Variants in BMPER observed in about 807,000 individuals in gnomAD.
BMPER encodes the protein BMP binding endothelial regulator.
A neutral mutation model predicts 87.3 loss-of-function variants in BMPER; 45 were observed. The ratio of observed to expected loss-of-function variants is 0.52; its 90% CI spans 0.41 to 0.66. The LOEUF (loss-of-function observed/expected upper bound fraction) is 0.66, where lower values mean the gene tolerates loss of function less well. Ranked by LOEUF, BMPER falls within the 30% of genes least tolerant of loss-of-function variation. The pLI is 0.00. For synonymous variants in BMPER, 326 were observed against 316.2 expected (o/e 1.03, Z -0.33); for missense variants, 784 against 867.5 (o/e 0.90, Z 1.21).
At chr7:34,134,800 A>G (rs905973047) in intron 13 of BMPER, among the ~76,000 whole-genome samples, 1 of 152,224 alleles carries the variant, frequency 6.6e-6, no homozygotes, top group African/African-American at 2.4e-5. Flanking sequence ...TTTAGATTCC[A>G]TACATGCGTG....
intron 6 of BMPER, among the ~76,000 whole-genome samples, chr7:33,995,885 T>TGCCCTGGTG (rs1786397717): frequency 6.6e-6 from 1 of 152,284 alleles, no homozygotes; most frequent in South Asian, 2.1e-4. Context: ...GAGGCCAGGG[T>TGCCCTGGTG]GCCCTGGTGG....
At chr7:33,960,126 G>A (rs1167906217) in intron 3 of BMPER, among the ~76,000 whole-genome samples, 2 of 152,208 alleles carry the variant, frequency 1.3e-5, no homozygotes, top group Admixed American at 1.3e-4. Context: ...TGGTGAGGGA[G>A]CACACGCTAC....
chr7:34,065,890 G>A (rs1265898765), intron 11 of BMPER, among the ~76,000 whole-genome samples: 2 of 152,158 alleles, frequency 1.3e-5, no homozygotes, highest in African/African-American at 4.8e-5. Context: ...CTGAAAGGAG[G>A]CAAGAATACC....
At chr7:33,905,781 GACGCCGGTTTGGTACCT>G in intron 1 of BMPER, 35 bp downstream of exon 1, 1 of 1,472,756 alleles carries the variant, frequency 6.8e-7, no homozygotes, top group Non-Finnish European at 9.2e-7. Context: ...GGCCCTCCGG[GACGCCGGTTTGGTACCT>G]GGGAAAGGTG....
At chr7:34,137,630 A>C (rs754628184) in intron 13 of BMPER, among the ~76,000 whole-genome samples, 2 of 152,240 alleles carry the variant, frequency 1.3e-5, no homozygotes, top group Non-Finnish European at 2.9e-5. Context: ...TTTTGGGGCC[A>C]CTTGGCAAGC....
chr7:34,149,080 A>G (rs934634371), intron 14 of BMPER, among the ~76,000 whole-genome samples: 1 of 152,138 alleles, frequency 6.6e-6, no homozygotes, highest in East Asian at 1.9e-4. Context: ...TCCCTGTGCC[A>G]GAACCTTTGG....
intron 5 of BMPER, among the ~76,000 whole-genome samples, chr7:33,972,626 G>A (rs1283360435): frequency 1.3e-5 from 2 of 151,958 alleles, no homozygotes; most frequent in African/African-American, 4.8e-5. Context: ...TTGGGATCTG[G>A]CCCTTTCTCT....
chr7:34,079,238 T>G lies in BMPER; in HGVS notation c.1408+52T>G, dbSNP rs758325744. 8.7e-6 allele frequency: 14 copies of G among 1,606,174 alleles called. No homozygotes were observed. The East Asian group carries it at 3.1e-4, about 36-fold the overall frequency. ...CTCTAGCCTCCGCCTCACTTACCCG[T>G]TCAGCAGCACTGCTCGGTTAGAGCA... On this transcript the variant is annotated intron_variant, in intron 12 of 14. Coordinates refer to ENST00000649409, the MANE Select transcript of BMPER (RefSeq NM_001365308.1).
At chr7:33,971,122 G>GT (rs77460155) in intron 5 of BMPER, among the ~76,000 whole-genome samples, 1,503 of 144,972 alleles carry the variant, frequency 0.01, 18 homozygotes, top group African/African-American at 0.033. Context: ...TTGTTTTTTT[G>GT]TTTTTTTTTT....
At chr7:33,979,924 G>C (rs1785806835) in intron 6 of BMPER, among the ~76,000 whole-genome samples, 1 of 152,222 alleles carries the variant, frequency 6.6e-6, no homozygotes, top group African/African-American at 2.4e-5. Flanking sequence ...TCGTCTTATG[G>C]AGATGGATTC....
chr7:33,905,706 C>T lies in BMPER; in HGVS notation c.93C>T (p.Cys31=). 6.2e-7 allele frequency: 1 copy of T among 1,613,282 alleles called. No individual in the cohort carries two copies. The highest frequency in any genetic ancestry group is 8.5e-7 in the Non-Finnish European group (1 of 1,179,846). The change falls in exon 1 of 15, where the codon TGC becomes TGT. Residue 31 remains cysteine (C), a synonymous_variant. Transcript: ENST00000649409. The part of the protein sequence containing the change: ...ITCCVLLLLN[C]SGVPMSLASS... ...GCTGCGTCTTGCTGCTACTCAATTG[C>T]TCGGGGGTCCCCATGTCTCTGGCTT...
intron 2 of BMPER, among the ~76,000 whole-genome samples, chr7:33,917,806 A>G (rs2128603515): frequency 6.6e-6 from 1 of 152,300 alleles, no homozygotes; most frequent in East Asian, 1.9e-4. Context: ...TGCTGTCGGC[A>G]TAGGGCAAGC....
chr7:34,103,472 T>C lies in BMPER; in HGVS notation c.1745+17380T>C, dbSNP rs565777676. On this transcript the variant is annotated intron_variant, in intron 13 of 14. Coordinates refer to ENST00000649409, the MANE Select transcript of BMPER (RefSeq NM_001365308.1). ...CCTCTGTTTTCCAGTTGGTGCCTCTTGATGTCCAGTCTGAGTTCCTTTCTA... is the reference window on the plus strand; with the variant it reads ...CCTCTGTTTTCCAGTTGGTGCCTCTCGATGTCCAGTCTGAGTTCCTTTCTA... Among the ~76,000 whole-genome samples, 30 of 152,282 alleles carry C rather than the reference T, an allele frequency of 2.0e-4. 1 individual carries two copies. In the South Asian group the frequency reaches 6.2e-3, roughly 32 times the overall value.
At chr7:34,100,298 G>T (rs919034114) in intron 13 of BMPER, among the ~76,000 whole-genome samples, 9 of 152,186 alleles carry the variant, frequency 5.9e-5, no homozygotes, top group African/African-American at 2.2e-4. Context: ...TTATACAGGA[G>T]GGTCAGACCT....
At chr7:33,937,534 G>GTGTA in intron 3 of BMPER, 146 bp downstream of exon 3, 1 of 735,326 alleles carries the variant, frequency 1.4e-6, no homozygotes, top group Non-Finnish European at 2.3e-6. Flanking sequence ...GTGTGTGTGT[G>GTGTA]TGTATGTGTG....
chr7:34,062,174 T>C, intron 11 of BMPER, 127 bp downstream of exon 11: 1 of 825,796 alleles, frequency 1.2e-6, no homozygotes, highest in East Asian at 2.7e-5. Context: ...TGGGATCATC[T>C]CACCTCCCTA....
chr7:33,970,393 T>G lies in BMPER; in HGVS notation c.467T>G (p.Leu156Arg), dbSNP rs1354331603. ...CATTGTAAAAACCCTTTGGAGCATC[T>G]GGGAATGTGCTGCCCCACATGTCCA... ...VVHCKNPLEH[L>R]GMCCPTCPGC... is the part of the protein sequence containing the mutation. The change falls in exon 5 of 15, where the codon CTG becomes CGG. Residue 156 changes from leucine (L) to arginine (R), a missense_variant. Coordinates refer to ENST00000649409, the MANE Select transcript of BMPER (RefSeq NM_001365308.1). The G allele has an allele frequency of 6.2e-7, 1 of 1,614,062 alleles. No homozygotes were observed. Among genetic ancestry groups the G allele is most frequent in the Non-Finnish European group, 8.5e-7 (1 of 1,180,016 alleles).
At chr7:34,110,876 G>A (rs1250815820) in intron 13 of BMPER, among the ~76,000 whole-genome samples, 2 of 152,202 alleles carry the variant, frequency 1.3e-5, no homozygotes, top group East Asian at 3.9e-4. Context: ...AGAGATTGTT[G>A]TAGGTCTCTG....
chr7:34,022,454 C>T (rs1017673222), intron 6 of BMPER, among the ~76,000 whole-genome samples: 4 of 151,806 alleles, frequency 2.6e-5, no homozygotes, highest in Non-Finnish European at 4.4e-5. Flanking sequence ...TTAAAATATT[C>T]GAGACTGCAA....
Sources: gnomAD v4.1 joint callset for allele counts (sites outside exome capture counted in the v4.1 genomes callset) on GRCh38, gnomAD v4.1.1 for gene constraint, MANE v1.5 for transcripts, NCBI Gene and HGNC (gene_info 2026-07-23, HGNC 2026-07-21) for gene names.